Variants in NBEA observed in about 807,000 individuals in gnomAD.
NBEA encodes neurobeachin, also known as lysosomal-trafficking regulator 2.
Under a neutral mutation model 343.4 loss-of-function variants are expected in NBEA, and 44 were observed. The observed-to-expected ratio is 0.13, with a 90% CI of 0.10 to 0.16. The LOEUF (loss-of-function observed/expected upper bound fraction) is 0.16. Ranked by LOEUF, NBEA falls within the 10% of genes least tolerant of loss-of-function variation. The pLI, the probability that NBEA is intolerant of heterozygous loss-of-function variation, is 1.00. For synonymous variants in NBEA, 1,175 were observed against 1,238.7 expected, an observed-to-expected ratio of 0.95 and a Z score of 1.08; for missense variants, 2,555 against 3,631.3, an observed-to-expected ratio of 0.70 and a Z score of 7.62.
At chr13:35,349,487 A>G (rs1027766830) in intron 37 of NBEA, among the ~76,000 whole-genome samples, 1 of 152,140 alleles carries the variant, frequency 6.6e-6, no homozygotes, top group African/African-American at 2.4e-5. Flanking sequence ...AATGCAAAAA[A>G]TAATTTATAA....
intron 1 of NBEA, among the ~76,000 whole-genome samples, chr13:34,994,642 T>C (rs1237553859): frequency 6.6e-6 from 1 of 152,228 alleles, no homozygotes; most frequent in Non-Finnish European, 1.5e-5. Flanking sequence ...TTTACTGTTG[T>C]GTATGAGCAA....
chr13:35,329,063 T>C (rs1464202600), intron 36 of NBEA, among the ~76,000 whole-genome samples: 1 of 151,852 alleles, frequency 6.6e-6, no homozygotes, highest in East Asian at 1.9e-4. Flanking sequence ...CCAAAGAAGA[T>C]ATACAAATGG....
chr13:35,214,566 A>G (rs2073960275), intron 33 of NBEA, among the ~76,000 whole-genome samples: 1 of 151,744 alleles, frequency 6.6e-6, no homozygotes, highest in African/African-American at 2.4e-5. Flanking sequence ...TTCTTGAGAT[A>G]TGAGTTCTTT....
intron 23 of NBEA, among the ~76,000 whole-genome samples, chr13:35,162,223 A>C (rs1301548871): frequency 6.6e-6 from 1 of 152,178 alleles, no homozygotes; most frequent in African/African-American, 2.4e-5. Flanking sequence ...ATCAGTTCAA[A>C]GATGATAACT....
At chr13:35,338,795 A>G (rs1479138637) in intron 36 of NBEA, among the ~76,000 whole-genome samples, 1 of 152,080 alleles carries the variant, frequency 6.6e-6, no homozygotes, top group Admixed American at 6.6e-5. Context: ...AGGATTATAT[A>G]CCTTGATTAA....
intron 1 of NBEA, among the ~76,000 whole-genome samples, chr13:34,944,446 G>A (rs2059128018): frequency 1.3e-5 from 2 of 152,194 alleles, no homozygotes; most frequent in African/African-American, 2.4e-5. Context: ...TCAGGTCAAA[G>A]GAGATTATCT....
intron 38 of NBEA, among the ~76,000 whole-genome samples, chr13:35,357,161 G>A (rs954591538): frequency 1.0e-4 from 15 of 145,708 alleles, no homozygotes; most frequent in African/African-American, 4.0e-4. Flanking sequence ...TGTGTAGATA[G>A]CATGTAAGCT....
chr13:35,179,643 G>A (rs1167585938), intron 28 of NBEA: 6 of 288,772 alleles, frequency 2.1e-5, no homozygotes, highest in Admixed American at 2.0e-4. Context: ...TATTTACAGC[G>A]CTGCCACTGT....
At chr13:35,249,151 C>CAAAAAAA (rs1179922550) in intron 34 of NBEA, among the ~76,000 whole-genome samples, 1 of 49,686 alleles carries the variant, frequency 2.0e-5, no homozygotes, top group Non-Finnish European at 4.2e-5. Flanking sequence ...CTCCATCTTA[C>CAAAAAAA]AAAAAAAAAA....
At chr13:35,457,026 A>T (rs1220121300) in intron 40 of NBEA, among the ~76,000 whole-genome samples, 1 of 151,318 alleles carries the variant, frequency 6.6e-6, no homozygotes, top group Non-Finnish European at 1.5e-5. Context: ...ATATGTTTTT[A>T]TTACCAACAG....
chr13:35,148,845 G>C (rs574669111), intron 18 of NBEA, among the ~76,000 whole-genome samples: 1 of 152,294 alleles, frequency 6.6e-6, no homozygotes, highest in South Asian at 2.1e-4. Context: ...CTCAGAAGCA[G>C]CCATAGACAG....
Position 35,207,240 on chromosome 13 carries a change from GT to G in NBEA, c.5367-1458del, listed in dbSNP as rs577173789. 4.0e-3 allele frequency among the ~76,000 whole-genome samples: 614 copies of G among 152,140 alleles called. 1 individual carries two copies. Among genetic ancestry groups the G allele is most frequent in the Middle Eastern group, 0.031 (9 of 294 alleles). On this transcript the variant is annotated intron_variant, in intron 31 of 58. Transcript: ENST00000379939. Reference sequence around the variant, plus strand: ...ACCACTTATTTGTGGAAAAAAAAGTGTTGATATTAAGGAAGTTTAAGCAACA... The same window carrying G: ...ACCACTTATTTGTGGAAAAAAAAGTGTGATATTAAGGAAGTTTAAGCAACA...
chr13:35,588,953 C>T (rs1410055265), intron 46 of NBEA, among the ~76,000 whole-genome samples: 2 of 152,100 alleles, frequency 1.3e-5, no homozygotes, highest in East Asian at 1.9e-4. Context: ...AAAGCTTACC[C>T]TAAAGCCTCT....
chr13:35,516,746 A>G (rs543040866), intron 41 of NBEA, among the ~76,000 whole-genome samples: 1 of 152,182 alleles, frequency 6.6e-6, no homozygotes, highest in Non-Finnish European at 1.5e-5. Context: ...CTGTAGAGTA[A>G]GGGAAAAGAA....
At position 35,528,673 on chromosome 13, in the gene NBEA, A is replaced by G. The variant is rs530839552; in HGVS notation, c.6586-21804A>G. Among the ~76,000 whole-genome samples, 6 of 152,338 alleles carry G rather than the reference A, an allele frequency of 3.9e-5. No individual in the cohort carries two copies. The East Asian group carries it at 1.2e-3, about 29-fold the overall frequency. On this transcript the variant is annotated intron_variant, in intron 41 of 58. Coordinates refer to ENST00000379939, the MANE Select transcript of NBEA (RefSeq NM_001385012.1). ...GTAGCAAAGCAGTACTGAGCAGACT[A>G]ATGACAAAATTATACATTAAGGCTC...
chr13:35,058,875 T>G lies in NBEA; in HGVS notation c.1239+12T>G. On this transcript the variant is annotated intron_variant, in intron 8 of 58. Transcript: ENST00000379939. Reference sequence around the variant, plus strand: ...GACCTGGATATAAGGTAGTAATAACTGTAATTTTATAAATTCTATGGAGAG... The same window carrying G: ...GACCTGGATATAAGGTAGTAATAACGGTAATTTTATAAATTCTATGGAGAG... 6.4e-7 allele frequency: 1 copy of G among 1,569,912 alleles called. No homozygotes were observed.
intron 1 of NBEA, among the ~76,000 whole-genome samples, chr13:34,950,009 G>A (rs1167161423): frequency 6.6e-6 from 1 of 152,114 alleles, no homozygotes; most frequent in Non-Finnish European, 1.5e-5. Context: ...ATTTCTGACG[G>A]TTTTGGCTGC....
intron 19 of NBEA, 41 bp from the exon 20 acceptor site, chr13:35,156,042 A>T: frequency 6.4e-7 from 1 of 1,551,876 alleles, no homozygotes; most frequent in East Asian, 2.3e-5. Context: ...TGAACATAGG[A>T]TATGGTTACA....
chr13:35,509,502 A>G (rs1260643460), intron 41 of NBEA, among the ~76,000 whole-genome samples: 1 of 152,156 alleles, frequency 6.6e-6, no homozygotes, highest in African/African-American at 2.4e-5. Flanking sequence ...TTTGAAGGAA[A>G]TGGCAAAAAA....
Sources: gnomAD v4.1 joint callset for allele counts (sites outside exome capture counted in the v4.1 genomes callset) on GRCh38, gnomAD v4.1.1 for gene constraint, MANE v1.5 for transcripts, NCBI Gene and HGNC (gene_info 2026-07-23, HGNC 2026-07-21) for gene names.